The following DCAF1 variants were observed in gnomAD, a reference collection of about 807,000 sequenced individuals.
DCAF1 encodes the protein DDB1 and CUL4 associated factor 1.
DCAF1 carries 15 observed loss-of-function variants against 128.0 expected under a neutral mutation model. The ratio of observed to expected loss-of-function variants is 0.12; its 90% confidence interval spans 0.08 to 0.18. The LOEUF (loss-of-function observed/expected upper bound fraction) is 0.18, where lower values mean the gene tolerates loss of function less well. Ranked by LOEUF, DCAF1 falls within the 10% of genes least tolerant of loss-of-function variation. The pLI is 1.00. For synonymous variants in DCAF1, 610 were observed against 603.0 expected, an observed-to-expected ratio of 1.01 and a Z score of -0.17; for missense variants, 988 against 1,649.5, an observed-to-expected ratio of 0.60 and a Z score of 6.95.
intron 6 of DCAF1, among the ~76,000 whole-genome samples, chr3:51,453,935 G>C (rs746290005): frequency 2.7e-5 from 4 of 150,468 alleles, no homozygotes; most frequent in Non-Finnish European, 5.9e-5. Flanking sequence ...CTGCACGACA[G>C]AGCGAGACTC....
At chr3:51,456,608 C>G (rs1388583865) in intron 6 of DCAF1, among the ~76,000 whole-genome samples, 3 of 152,224 alleles carry the variant, frequency 2.0e-5, no homozygotes, top group Non-Finnish European at 4.4e-5. Context: ...AACAGGCGGA[C>G]TGCCTCCTCA....
intron 3 of DCAF1, among the ~76,000 whole-genome samples, chr3:51,481,415 G>A (rs1706180811): frequency 6.6e-6 from 1 of 152,186 alleles, no homozygotes; most frequent in Admixed American, 6.6e-5. Context: ...ATGCAGGCCA[G>A]GCGCAATGGC....
chr3:51,439,745 A>G (rs1701193565), intron 9 of DCAF1, among the ~76,000 whole-genome samples: 1 of 152,104 alleles, frequency 6.6e-6, no homozygotes, highest in Non-Finnish European at 1.5e-5. Flanking sequence ...TAATCCCTAC[A>G]TTCTGGGGGG....
chr3:51,466,947 T>G, intron 4 of DCAF1, 71 bp from the exon 5 acceptor site: 5 of 1,364,288 alleles, frequency 3.7e-6, no homozygotes, highest in South Asian at 1.2e-5. Context: ...CTTAGACCTC[T>G]GGAAAGGCAC....
At position 51,420,221 on chromosome 3, in the gene DCAF1, C is replaced by T. The variant is rs782779656; in HGVS notation, c.2749G>A (p.Ala917Thr). ...GAAGGCGCAGAGGCACCCACAGCAG[C>T]ATGGCTGCCCAGACGAGTTGCAATG... is the stretch of plus-strand genomic sequence containing the variant. ...NGIATRLGSH[A>T]AVGASAPSAP... is the part of the protein sequence containing the mutation. Residue 917 changes from alanine (A) to threonine (T), a missense_variant, in exon 15 of 25, where the codon GCT (alanine) becomes ACT (threonine). Physicochemically the swap from Ala to Thr is moderately conservative, Grantham distance 58 (BLOSUM62 0). Transcript: ENST00000684031. The surrounding 1 kb of genome is among the most constrained non-coding windows in gnomAD (Gnocchi z 6.5). 1 of 1,614,040 alleles carries T rather than the reference C, an allele frequency of 6.2e-7. No homozygotes were observed. Among genetic ancestry groups the T allele is most frequent in the Non-Finnish European group, 8.5e-7 (1 of 1,179,902 alleles).
In DCAF1 at chr3:51,403,087, A is replaced by G. The variant is rs74561566; in HGVS notation, c.4465+56T>C. On this transcript the variant is annotated intron_variant, in intron 24 of 24. Transcript: ENST00000684031. The stretch of plus-strand genomic sequence containing the variant: ...GCCCTCTAAGTTGTATGGGCACAAA[A>G]GAAGGGATCTTGCCCTGGGTGCCAA... 8,436 of 1,548,080 alleles carry G rather than the reference A, an allele frequency of 5.4e-3. 355 individuals carry two copies. In the African/African-American group the frequency reaches 0.098, roughly 18 times the overall value.
chr3:51,422,455 G>A (rs1382250012), intron 13 of DCAF1, 24 bp from the exon 14 acceptor site: 4 of 717,948 alleles, frequency 5.6e-6, no homozygotes, highest in African/African-American at 3.5e-5. Flanking sequence ...ATTAGTCAAA[G>A]GGAAATTAGA....
Position 51,458,009 on chromosome 3 carries a change from C to T in DCAF1, c.375+5105G>A, listed in dbSNP as rs145074012. Among the ~76,000 whole-genome samples the T allele has an allele frequency of 2.7e-3, 418 of 152,268 alleles. 1 individual carries two copies. Among genetic ancestry groups the T allele is most frequent in the African/African-American group, 9.4e-3 (389 of 41,554 alleles). On this transcript the variant is annotated intron_variant, in intron 6 of 24. Coordinates refer to ENST00000684031, the MANE Select transcript of DCAF1 (RefSeq NM_001387579.1). ...GCTAGGAAGAAACTGCATCAACTAT[C>T]GAGCAAAATAACCAGCTAACATCAT...
chr3:51,454,837 C>A (rs1404421127), intron 6 of DCAF1, among the ~76,000 whole-genome samples: 11 of 152,150 alleles, frequency 7.2e-5, no homozygotes, highest in African/African-American at 2.2e-4. Flanking sequence ...CCACACCCGG[C>A]TAATTTTTTG....
chr3:51,466,754 C>T, intron 5 of DCAF1, 49 bp downstream of exon 5: 1 of 1,565,804 alleles, frequency 6.4e-7, no homozygotes, highest in South Asian at 1.1e-5. Flanking sequence ...AATAAAGATA[C>T]AGCATCTACA....
chr3:51,407,763 G>A (rs1396470848), intron 23 of DCAF1, among the ~76,000 whole-genome samples: 11 of 151,858 alleles, frequency 7.2e-5, no homozygotes, highest in East Asian at 1.9e-4. Context: ...CGAGGTGGGC[G>A]GATCACCTGA....
chr3:51,499,639 AGTGGAGGAAGAAC>A (rs1708632687), intron 1 of DCAF1, among the ~76,000 whole-genome samples: 1 of 150,812 alleles, frequency 6.6e-6, no homozygotes, highest in Non-Finnish European at 1.5e-5. Context: ...TCTCGTGGGG[AGTGGAGGAAGAAC>A]GTGGAGGCCC....
chr3:51,489,075 C>G (rs1677067336), intron 2 of DCAF1, among the ~76,000 whole-genome samples: 1 of 152,194 alleles, frequency 6.6e-6, no homozygotes, highest in Non-Finnish European at 1.5e-5. Flanking sequence ...AGACTGAAAG[C>G]TTTGCCCCAA....
intron 1 of DCAF1, among the ~76,000 whole-genome samples, chr3:51,497,856 A>C (rs1255494422): frequency 6.6e-6 from 1 of 151,834 alleles, no homozygotes; most frequent in Non-Finnish European, 1.5e-5. Context: ...CGAGACCATC[A>C]TGGCTAACAC....
chr3:51,432,068 C>T (rs901500088), intron 10 of DCAF1, among the ~76,000 whole-genome samples: 2 of 150,878 alleles, frequency 1.3e-5, no homozygotes, highest in Admixed American at 6.6e-5. Flanking sequence ...GTCAGGAGTT[C>T]GAGACCAGCC....
intron 13 of DCAF1, among the ~76,000 whole-genome samples, chr3:51,426,605 T>C (rs1178170086): frequency 6.6e-6 from 1 of 152,224 alleles, no homozygotes; most frequent in African/African-American, 2.4e-5. Context: ...GAGTTCTCAG[T>C]AATTATTAAT....
At chr3:51,422,515 T>C (rs551235700) in intron 13 of DCAF1, 84 bp from the exon 14 acceptor site, 225 of 700,770 alleles carry the variant, frequency 3.2e-4, no homozygotes, top group Non-Finnish European at 4.5e-4. Context: ...CACAGACAGA[T>C]AGACACATAC....
chr3:51,497,081 G>A (rs1708306814), intron 1 of DCAF1, among the ~76,000 whole-genome samples: 1 of 151,910 alleles, frequency 6.6e-6, no homozygotes, highest in Non-Finnish European at 1.5e-5. Flanking sequence ...GATTACTTGA[G>A]GCCAAAAGTT....
At chr3:51,464,263 T>A (rs201308458) in intron 5 of DCAF1, among the ~76,000 whole-genome samples, 1 of 28,584 alleles carries the variant, frequency 3.5e-5, no homozygotes, top group South Asian at 1.2e-3. Context: ...AAATTATATA[T>A]ATAATACAAT....
Sources: gnomAD v4.1 joint callset for allele counts (sites outside exome capture counted in the v4.1 genomes callset) on GRCh38, gnomAD v4.1.1 for gene constraint, Gnocchi (gnomAD v3.1) non-coding constraint, MANE v1.5 for transcripts, NCBI Gene and HGNC (gene_info 2026-07-23, HGNC 2026-07-21) for gene names.